KAZN: variants seen among roughly 807,000 people sequenced by gnomAD.
The protein encoded by KAZN is kazrin, periplakin interacting protein, also known as kazrin.
KAZN carries 40 observed loss-of-function variants against 87.4 expected under a neutral mutation model. The observed-to-expected ratio is 0.46, with a 90% CI of 0.36 to 0.60. The LOEUF is 0.60. Ranked by LOEUF, KAZN falls within the 20% of genes least tolerant of loss-of-function variation. KAZN has a pLI of 0.00. For synonymous variants in KAZN, 466 were observed against 458.3 expected (o/e 1.02, Z -0.22); for missense variants, 898 against 1,073.9 (o/e 0.84, Z 2.29).
intron 2 of KAZN, among the ~76,000 whole-genome samples, chr1:14,457,035 G>A (rs146666020): frequency 0.035 from 5,358 of 152,190 alleles, 338 homozygotes; most frequent in African/African-American, 0.12. Flanking sequence ...AGCCAAGATC[G>A]CACCACTGCA....
At chr1:14,764,518 G>A (rs1644837327) in intron 1 of KAZN, among the ~76,000 whole-genome samples, 1 of 151,644 alleles carries the variant, frequency 6.6e-6, no homozygotes, top group Non-Finnish European at 1.5e-5. Flanking sequence ...TAGAACGTAA[G>A]CTTTTTAACA....
chr1:14,337,083 A>G (rs920720860), intron 2 of KAZN, among the ~76,000 whole-genome samples: 18 of 152,256 alleles, frequency 1.2e-4, no homozygotes, highest in African/African-American at 4.1e-4. Flanking sequence ...ATCCACTGCA[A>G]TTAGCAGCTT....
At position 14,759,947 on chromosome 1, in the gene KAZN, G is replaced by A. The variant is rs188590206; in HGVS notation, c.226+160724G>A. 4.4e-3 allele frequency among the ~76,000 whole-genome samples: 665 copies of A among 152,044 alleles called. 6 individuals are homozygous for A. The highest frequency in any genetic ancestry group is 0.014 in the African/African-American group (576 of 41,476). On this transcript the variant is annotated intron_variant, in intron 1 of 14. Coordinates refer to ENST00000376030, the MANE Select transcript of KAZN (RefSeq NM_201628.3). ...ACTCTCCCTTTGCCTCCCGGCCTCC[G>A]AGAACTTAAGTACCTGGGAATTAAT...
chr1:14,031,858 T>C (rs1383285263), intron 1 of KAZN, among the ~76,000 whole-genome samples: 1 of 150,000 alleles, frequency 6.7e-6, no homozygotes, highest in Non-Finnish European at 1.5e-5. Context: ...TTCTGGAGTT[T>C]GTGTGCTTGA....
At chr1:14,562,121 T>C (rs1006496467) in intron 2 of KAZN, among the ~76,000 whole-genome samples, 1 of 152,124 alleles carries the variant, frequency 6.6e-6, no homozygotes, top group Non-Finnish European at 1.5e-5. Context: ...TCCACCCCTT[T>C]GAGGACACAC....
chr1:14,934,198 A>C (rs1447598174), intron 1 of KAZN, among the ~76,000 whole-genome samples: 1 of 142,800 alleles, frequency 7.0e-6, no homozygotes, highest in African/African-American at 2.6e-5. Context: ...GGTTTTTGTC[A>C]GTTTTCTTTT....
intron 2 of KAZN, among the ~76,000 whole-genome samples, chr1:14,402,464 T>C (rs998378114): frequency 2.0e-5 from 3 of 152,142 alleles, no homozygotes; most frequent in African/African-American, 7.2e-5. Context: ...TAAAGTGTTA[T>C]TAAAGAGCAT....
intron 1 of KAZN, among the ~76,000 whole-genome samples, chr1:13,999,115 C>T (rs527890999): frequency 1.5e-3 from 227 of 152,198 alleles, no homozygotes; most frequent in South Asian, 5.2e-3. Flanking sequence ...TTTGGGAGGC[C>T]GAGGCAGGTG....
At chr1:14,681,657 ATTTTTTTTTTTTTT>A (rs570137678) in intron 1 of KAZN, among the ~76,000 whole-genome samples, 93 of 8,476 alleles carry the variant, frequency 0.011, 1 homozygote, top group African/African-American at 0.025. Flanking sequence ...ATATATATAT[ATTTTTTTTTTTTTT>A]TTTTTTTTTT....
At chr1:15,074,770 C>T (rs985235872) in intron 8 of KAZN, among the ~76,000 whole-genome samples, 64 of 152,314 alleles carry the variant, frequency 4.2e-4, no homozygotes, top group African/African-American at 1.5e-3. Flanking sequence ...CGCTTGTTAC[C>T]TGGTAACCTT....
At chr1:14,717,331 T>C (rs1191363423) in intron 1 of KAZN, among the ~76,000 whole-genome samples, 1 of 151,966 alleles carries the variant, frequency 6.6e-6, no homozygotes, top group Non-Finnish European at 1.5e-5. Context: ...TCTACCCTCA[T>C]GGATTCTGTA....
chr1:14,736,309 T>A (rs1394842448), intron 1 of KAZN, among the ~76,000 whole-genome samples: 3 of 139,378 alleles, frequency 2.2e-5, no homozygotes. Context: ...GTATATTTTT[T>A]TTTTTTGAGA....
chr1:14,281,627 T>C (rs1162155048), intron 2 of KAZN, among the ~76,000 whole-genome samples: 1 of 152,226 alleles, frequency 6.6e-6, no homozygotes, highest in Non-Finnish European at 1.5e-5. Context: ...TCCCACCTTA[T>C]CTTCCTGGCA....
chr1:14,540,780 T>C (rs1043611750), intron 2 of KAZN, among the ~76,000 whole-genome samples: 1 of 152,170 alleles, frequency 6.6e-6, no homozygotes, highest in South Asian at 2.1e-4. Flanking sequence ...GGAAAATAAA[T>C]TTGCTTTGTC....
intron 2 of KAZN, among the ~76,000 whole-genome samples, chr1:14,275,493 T>C (rs1429551345): frequency 2.0e-5 from 3 of 150,164 alleles, no homozygotes; most frequent in African/African-American, 7.4e-5. Context: ...TGTGTGTGTC[T>C]AAACAATACA....
chr1:14,132,476 G>A (rs1284828428), intron 1 of KAZN, among the ~76,000 whole-genome samples: 1 of 152,196 alleles, frequency 6.6e-6, no homozygotes, highest in Non-Finnish European at 1.5e-5. Flanking sequence ...CATGCATTAA[G>A]CTGACTGGCT....
chr1:14,925,855 A>G (rs1286864754), intron 1 of KAZN, among the ~76,000 whole-genome samples: 2 of 152,150 alleles, frequency 1.3e-5, no homozygotes, highest in African/African-American at 4.8e-5. Flanking sequence ...CCTTCTCCCC[A>G]GTTACACACG....
rs141870507 is a variant in KAZN, at chr1:13,998,529, T to A, written c.91+104773T>A. The stretch of plus-strand genomic sequence containing the variant: ...GGCTCAGAATAAAGGGATGGAGGAA[T>A]ATTTACCAAGCAAATGGAAAGCAAA... On this transcript the variant is annotated intron_variant, in intron 1 of 16. Transcript: ENST00000636203. Among the ~76,000 whole-genome samples, 817 of 151,560 alleles carry A rather than the reference T, an allele frequency of 5.4e-3. 9 individuals are homozygous for A. Among genetic ancestry groups the A allele is most frequent in the African/African-American group, 0.019 (783 of 41,262 alleles).
intron 2 of KAZN, among the ~76,000 whole-genome samples, chr1:14,401,123 G>C (rs1289444301): frequency 3.3e-5 from 5 of 152,118 alleles, no homozygotes; most frequent in Non-Finnish European, 7.4e-5. Flanking sequence ...GGGCAGAAGA[G>C]GAATCAAATA....
Sources: allele counts gnomAD v4.1 joint callset (sites outside exome capture counted in the v4.1 genomes callset), GRCh38; gene constraint gnomAD v4.1.1; transcripts MANE v1.5; gene names NCBI Gene and HGNC (gene_info 2026-07-23, HGNC 2026-07-21).